EPHB1: variants seen among roughly 807,000 people sequenced by gnomAD.
EPHB1 encodes the protein EPH receptor B1.
In EPHB1, 30 loss-of-function variants were observed where a neutral mutation model predicts 94.4. That is an observed-to-expected ratio of 0.32 (90% CI 0.24 to 0.43). The LOEUF (loss-of-function observed/expected upper bound fraction) is 0.43. EPHB1 is among the 20% of genes least tolerant of loss of function. The pLI is 1.00. For missense variants in EPHB1, 1,055 were observed against 1,308.3 expected (o/e 0.81, Z 2.99); for synonymous variants, 522 against 489.1 (o/e 1.07, Z -0.89).
intron 3 of EPHB1, among the ~76,000 whole-genome samples, chr3:135,048,259 C>CTTTTTTTTTTTTTTTTTTTTTTTT (rs34135757): frequency 1.3e-4 from 7 of 55,208 alleles, no homozygotes; most frequent in Non-Finnish European, 1.6e-4. Context: ...TTTCTTTTTT[C>CTTTTTTTTTTTTTTTTTTTTTTTT]TTTTTTTTTT....
intron 5 of EPHB1, among the ~76,000 whole-genome samples, chr3:135,151,616 T>C (rs1478538794): frequency 3.9e-5 from 6 of 152,238 alleles, no homozygotes; most frequent in Non-Finnish European, 7.3e-5. Flanking sequence ...AATTTTATTT[T>C]GTTCACTATG....
intron 1 of EPHB1, among the ~76,000 whole-genome samples, chr3:134,878,030 G>A (rs1420524981): frequency 2.0e-5 from 3 of 152,190 alleles, no homozygotes; most frequent in Non-Finnish European, 4.4e-5. Context: ...TCCTGGCCTG[G>A]GCTCTCTCTG....
chr3:135,054,670 G>C (rs1233598263), intron 3 of EPHB1, among the ~76,000 whole-genome samples: 2 of 152,116 alleles, frequency 1.3e-5, no homozygotes, highest in Non-Finnish European at 2.9e-5. Context: ...GATCTTCACA[G>C]ATTTATTATA....
chr3:135,182,702 G>A (rs548611679), intron 10 of EPHB1, among the ~76,000 whole-genome samples: 36 of 152,288 alleles, frequency 2.4e-4, no homozygotes, highest in East Asian at 3.9e-4. Flanking sequence ...TTTATGAGGC[G>A]TATGAGAGAA....
At position 135,212,269 on chromosome 3, in the gene EPHB1, C is replaced by G. The variant is rs116643690; in HGVS notation, c.2346+10580C>G. Among the ~76,000 whole-genome samples, 1,354 of 152,116 alleles carry G rather than the reference C, an allele frequency of 8.9e-3. 12 individuals carry two copies. The highest frequency in any genetic ancestry group is 0.031 in the African/African-American group (1,283 of 41,506). On this transcript the variant is annotated intron_variant, in intron 12 of 15. Coordinates refer to ENST00000398015, the MANE Select transcript of EPHB1 (RefSeq NM_004441.5). ...ATAGCTACCATAGCAGCTTTAAAAT[C>G]TTTGATAATGTTAACATCTGGGTGG...
chr3:135,190,281 A>G (rs1469635989), intron 10 of EPHB1, among the ~76,000 whole-genome samples: 1 of 152,240 alleles, frequency 6.6e-6, no homozygotes, highest in Non-Finnish European at 1.5e-5. Flanking sequence ...ATAAATACAC[A>G]TTTGTGTGCT....
At chr3:134,825,158 T>A (rs556937111) in intron 1 of EPHB1, among the ~76,000 whole-genome samples, 242 of 152,296 alleles carry the variant, frequency 1.6e-3, no homozygotes, top group African/African-American at 5.5e-3. Context: ...AGTCCTGGCA[T>A]GTGACTGAAG....
chr3:135,177,636 C>T (rs1368614589), intron 9 of EPHB1, among the ~76,000 whole-genome samples: 1 of 152,156 alleles, frequency 6.6e-6, no homozygotes, highest in Non-Finnish European at 1.5e-5. Context: ...TTATAGGCTG[C>T]CTTCCTTTCC....
chr3:135,034,890 A>G (rs1275330394), intron 3 of EPHB1, among the ~76,000 whole-genome samples: 2 of 152,352 alleles, frequency 1.3e-5, no homozygotes, highest in Admixed American at 6.5e-5. Context: ...GGACCTGAAT[A>G]GGATGCACAG....
At position 135,193,021 on chromosome 3, in the gene EPHB1, A is replaced by G. The variant is rs984221287; in HGVS notation, c.2130+198A>G. ...GTGGGATCCTCAGGAGGAGGATGGC[A>G]TGGAGTAGGGCGTTGACAAATGCTT... On this transcript the variant is annotated intron_variant, in intron 11 of 15. Transcript: ENST00000398015. 3.3e-5 allele frequency among the ~76,000 whole-genome samples: 5 copies of G among 152,318 alleles called. No homozygotes were observed. The South Asian group carries it at 8.3e-4, about 25-fold the overall frequency.
At chr3:135,048,212 A>G (rs1937057906) in intron 3 of EPHB1, among the ~76,000 whole-genome samples, 1 of 136,262 alleles carries the variant, frequency 7.3e-6, no homozygotes, top group Admixed American at 7.4e-5. Flanking sequence ...TTCAAGTCTT[A>G]AAAAAAATAC....
At chr3:135,088,234 G>A (rs1038136406) in intron 3 of EPHB1, among the ~76,000 whole-genome samples, 1 of 152,102 alleles carries the variant, frequency 6.6e-6, no homozygotes. Context: ...ACTTACCATA[G>A]TAAATAGCTG....
chr3:135,154,482 A>ACCACC, intron 6 of EPHB1: 1 of 581,634 alleles, frequency 1.7e-6, no homozygotes. Flanking sequence ...CCAACTAAGG[A>ACCACC]GAGAAACTTC....
At chr3:135,097,171 T>TG (rs1223191462) in intron 3 of EPHB1, among the ~76,000 whole-genome samples, 1 of 142,742 alleles carries the variant, frequency 7.0e-6, no homozygotes, top group Admixed American at 7.2e-5. Flanking sequence ...TTTCTTTGTT[T>TG]TTTTTTTTTT....
At chr3:135,001,903 T>C (rs1448837998) in intron 3 of EPHB1, among the ~76,000 whole-genome samples, 1 of 152,256 alleles carries the variant, frequency 6.6e-6, no homozygotes, top group Non-Finnish European at 1.5e-5. Context: ...GTTTTCCATC[T>C]TTTTGTCATC....
At chr3:135,137,611 A>G (rs1422772791) in intron 5 of EPHB1, among the ~76,000 whole-genome samples, 4 of 152,112 alleles carry the variant, frequency 2.6e-5, no homozygotes, top group Non-Finnish European at 4.4e-5. Flanking sequence ...CCTCACATGA[A>G]TCATGCAAGT....
At chr3:135,251,679 G>A (rs1297422403) in intron 15 of EPHB1, among the ~76,000 whole-genome samples, 2 of 152,144 alleles carry the variant, frequency 1.3e-5, no homozygotes, top group Admixed American at 1.3e-4. Context: ...TTGCCAAAAA[G>A]ACATGAACAC....
At chr3:135,177,516 T>G (rs550966561) in intron 9 of EPHB1, among the ~76,000 whole-genome samples, 1 of 151,944 alleles carries the variant, frequency 6.6e-6, no homozygotes, top group African/African-American at 2.4e-5. Context: ...GACCCCAGAG[T>G]GGGACAACTC....
At chr3:135,077,294 G>T (rs1053432365) in intron 3 of EPHB1, among the ~76,000 whole-genome samples, 1 of 152,148 alleles carries the variant, frequency 6.6e-6, no homozygotes, top group African/African-American at 2.4e-5. Flanking sequence ...GCAGTCTTGG[G>T]CAGCATCAGC....
Sources: gnomAD v4.1 joint callset for allele counts (sites outside exome capture counted in the v4.1 genomes callset) on GRCh38, gnomAD v4.1.1 for gene constraint, MANE v1.5 for transcripts, NCBI Gene and HGNC (gene_info 2026-07-23, HGNC 2026-07-21) for gene names.